ZNF652: variants seen among roughly 807,000 people sequenced by gnomAD.
The protein encoded by ZNF652 is zinc finger protein 652.
A neutral mutation model predicts 45.2 loss-of-function variants in ZNF652; 16 were observed. The observed-to-expected ratio is 0.35, with a 90% CI of 0.24 to 0.54. The LOEUF (loss-of-function observed/expected upper bound fraction) is 0.54. Among genes scored for constraint, ZNF652 ranks in the 20% least tolerant of loss-of-function variants. The pLI, the probability that ZNF652 is intolerant of heterozygous loss-of-function variation, is 0.91. For missense variants in ZNF652, 614 were observed against 765.6 expected (o/e 0.80, Z 2.34); for synonymous variants, 250 against 260.6 (o/e 0.96, Z 0.39).
At chr17:49,361,145 G>T (rs919611668) in intron 1 of ZNF652, 2 of 152,264 alleles carry the variant, frequency 1.3e-5, no homozygotes, top group Non-Finnish European at 2.9e-5. Flanking sequence ...TCTGTGTTGT[G>T]GGGGAGGGAT....
chr17:49,324,206 T>A (rs541629835), intron 1 of ZNF652, among the ~76,000 whole-genome samples: 183 of 152,350 alleles, frequency 1.2e-3, no homozygotes, highest in African/African-American at 4.3e-3. Context: ...TTAAACCTCA[T>A]GAACCAACCT....
chr17:49,338,533 A>G (rs2070109633), intron 1 of ZNF652, among the ~76,000 whole-genome samples: 1 of 152,206 alleles, frequency 6.6e-6, no homozygotes, highest in South Asian at 2.1e-4. Flanking sequence ...ACTTGTAAGG[A>G]TATATTTTCC....
At position 49,290,369 on chromosome 17, in the gene ZNF652, A is replaced by C. The variant is rs986077333; in HGVS notation, c.*8044T>G. 6.6e-6 allele frequency: 1 copy of C among 152,000 alleles called. No homozygotes were observed. The highest frequency in any genetic ancestry group is 1.5e-5 in the Non-Finnish European group (1 of 67,972). The allele number at this position is 152,000 out of a possible 1,614,324, so 9.4% of individuals were successfully genotyped here. On this transcript the variant is annotated 3_prime_UTR_variant, in exon 6 of 6. Transcript: ENST00000430262. Reference sequence around the variant, plus strand: ...TGACCACGGATAGGAGCCCTTAGACAAGTAACTGACAGAGAGGGAGCACAC... The same window carrying C: ...TGACCACGGATAGGAGCCCTTAGACCAGTAACTGACAGAGAGGGAGCACAC...
At chr17:49,340,078 T>G (rs1208407650) in intron 1 of ZNF652, among the ~76,000 whole-genome samples, 1 of 152,216 alleles carries the variant, frequency 6.6e-6, no homozygotes, top group Non-Finnish European at 1.5e-5. Flanking sequence ...GTTTAAATGC[T>G]GAAGGGAAAG....
chr17:49,336,948 T>TG (rs1469706222), intron 1 of ZNF652, among the ~76,000 whole-genome samples: 15 of 116,984 alleles, frequency 1.3e-4, no homozygotes, highest in Non-Finnish European at 2.3e-4. Context: ...TGGTGTTTTT[T>TG]TTTTTTTTTT....
At chr17:49,326,117 C>T (rs1354514596) in intron 1 of ZNF652, among the ~76,000 whole-genome samples, 3 of 151,324 alleles carry the variant, frequency 2.0e-5, no homozygotes, top group Non-Finnish European at 4.4e-5. Context: ...AGCTATGTAG[C>T]AAACATAAGT....
At chr17:49,359,553 T>C (rs1455992018) in intron 1 of ZNF652, among the ~76,000 whole-genome samples, 1 of 152,180 alleles carries the variant, frequency 6.6e-6, no homozygotes, top group Non-Finnish European at 1.5e-5. Context: ...CGTAAGCTCC[T>C]AAAGAGCCGG....
intron 5 of ZNF652, among the ~76,000 whole-genome samples, chr17:49,309,348 A>T (rs892171704): frequency 6.7e-6 from 1 of 150,000 alleles, no homozygotes; most frequent in South Asian, 2.1e-4. Flanking sequence ...AAAAAAAAAA[A>T]AAAAAAAAAA....
intron 5 of ZNF652, among the ~76,000 whole-genome samples, chr17:49,305,601 C>T (rs897161617): frequency 9.2e-5 from 14 of 151,658 alleles, no homozygotes; most frequent in African/African-American, 3.4e-4. Context: ...GTGCTTACAA[C>T]AGTATCTGGC....
At chr17:49,333,050 A>G (rs1281784864) in intron 1 of ZNF652, among the ~76,000 whole-genome samples, 1 of 151,880 alleles carries the variant, frequency 6.6e-6, no homozygotes, top group Non-Finnish European at 1.5e-5. Context: ...GAAAAAAATA[A>G]TAAAATAAAA....
At chr17:49,343,657 CTTTT>C (rs74399807) in intron 1 of ZNF652, among the ~76,000 whole-genome samples, 9 of 143,400 alleles carry the variant, frequency 6.3e-5, no homozygotes, top group Non-Finnish European at 1.2e-4. Flanking sequence ...AAAAAAATAA[CTTTT>C]TTTTTTTTTT....
chr17:49,343,420 A>C (rs1027480253), intron 1 of ZNF652, among the ~76,000 whole-genome samples: 4 of 152,176 alleles, frequency 2.6e-5, no homozygotes, highest in African/African-American at 9.7e-5. Context: ...ATGTCTAAAA[A>C]ATTAGCCTAC....
intron 5 of ZNF652, among the ~76,000 whole-genome samples, chr17:49,304,915 T>TAC (rs1182307324): frequency 2.0e-5 from 3 of 151,654 alleles, no homozygotes; most frequent in Non-Finnish European, 4.4e-5. Context: ...CATACATATA[T>TAC]ACACACACAC....
intron 2 of ZNF652, 133 bp from the exon 3 acceptor site, chr17:49,312,978 G>C: frequency 1.3e-6 from 1 of 789,120 alleles, no homozygotes; most frequent in Non-Finnish European, 2.0e-6. Context: ...TTCTTCCACA[G>C]AGCCCAGATT....
rs776459546 is a variant in ZNF652 at position 49,316,976 on chromosome 17, G to A, written c.750C>T (p.Cys250=). ...EEKETLTCEK[C]PRVFNTRWYL... is the part of the protein sequence containing the mutation. ...ACCAGCGAGTGTTAAATACCCTGGG[G>A]CACTTCTCACAGGTCAGAGTCTCTT... is the stretch of plus-strand genomic sequence containing the variant. Residue 250 remains cysteine (C), a synonymous_variant, in exon 2 of 6, where the codon TGC becomes TGT. Coordinates refer to ENST00000430262, the MANE Select transcript of ZNF652 (RefSeq NM_001145365.3). The A allele has an allele frequency of 1.2e-6, 2 of 1,614,108 alleles. No individual in the cohort carries two copies. Among genetic ancestry groups the A allele is most frequent in the Non-Finnish European group, 1.7e-6 (2 of 1,180,022 alleles).
chr17:49,302,042 A>G (rs928470483), intron 5 of ZNF652, among the ~76,000 whole-genome samples: 2 of 152,074 alleles, frequency 1.3e-5, no homozygotes, highest in African/African-American at 4.8e-5. Context: ...GCTTAAACCT[A>G]GGAGTTTGAG....
chr17:49,311,736 T>G (rs2069715031), intron 4 of ZNF652, among the ~76,000 whole-genome samples, 191 bp downstream of exon 4: 1 of 151,462 alleles, frequency 6.6e-6, no homozygotes, highest in Non-Finnish European at 1.5e-5. Context: ...TCTAAGAGAG[T>G]TAACAGTGTG....
At chr17:49,348,544 A>AAAAGAAAAGAAAAGAAAAT (rs1567699134) in intron 1 of ZNF652, among the ~76,000 whole-genome samples, 1 of 115,590 alleles carries the variant, frequency 8.7e-6, no homozygotes, top group African/African-American at 3.5e-5. Flanking sequence ...GAAAAGAAAA[A>AAAAGAAAAGAAAAGAAAAT]CCCCCGCAAG....
At chr17:49,323,077 A>AC (rs1337362987) in intron 1 of ZNF652, among the ~76,000 whole-genome samples, 1 of 152,148 alleles carries the variant, frequency 6.6e-6, no homozygotes, top group East Asian at 1.9e-4. Context: ...GCATTAACTT[A>AC]TTCTTCCTTT....
Sources: allele counts gnomAD v4.1 joint callset (sites outside exome capture counted in the v4.1 genomes callset), GRCh38; gene constraint gnomAD v4.1.1; transcripts MANE v1.5; gene names NCBI Gene and HGNC (gene_info 2026-07-23, HGNC 2026-07-21).